The following ZNF430 variants were observed in gnomAD, a reference collection of about 807,000 sequenced individuals.
ZNF430 encodes zinc finger protein 430.
A neutral mutation model predicts 56.7 loss-of-function variants in ZNF430; 35 were observed. The observed-to-expected ratio is 0.62, with a 90% CI of 0.47 to 0.82. The LOEUF is 0.82. Ranked by LOEUF, ZNF430 falls within the 40% of genes least tolerant of loss-of-function variation. The pLI, the probability that ZNF430 is intolerant of heterozygous loss-of-function variation, is 0.00. For synonymous variants in ZNF430, 212 were observed against 224.3 expected (o/e 0.94, Z 0.49); for missense variants, 574 against 661.0 (o/e 0.87, Z 1.44).
At chr19:21,049,096 C>G (rs1183481481) in intron 4 of ZNF430, among the ~76,000 whole-genome samples, 3 of 149,106 alleles carry the variant, frequency 2.0e-5, no homozygotes, top group Non-Finnish European at 3.0e-5. Context: ...ATCACTTGAA[C>G]CCAGATGACA....
chr19:21,025,615 C>A (rs1415277330), intron 2 of ZNF430, among the ~76,000 whole-genome samples: 2 of 151,980 alleles, frequency 1.3e-5, no homozygotes, highest in African/African-American at 4.8e-5. Context: ...GAGACGGAGT[C>A]TCACTCTGTT....
At chr19:21,050,128 C>T (rs1315255205) in intron 4 of ZNF430, among the ~76,000 whole-genome samples, 3 of 152,016 alleles carry the variant, frequency 2.0e-5, no homozygotes, top group Non-Finnish European at 4.4e-5. Flanking sequence ...GTGTGATCCG[C>T]CTGCCTCGGC....
chr19:21,054,624 T>C (rs1968338278), intron 4 of ZNF430, among the ~76,000 whole-genome samples: 1 of 151,586 alleles, frequency 6.6e-6, no homozygotes, highest in African/African-American at 2.4e-5. Flanking sequence ...ATAAATATCT[T>C]TGTGTGTATC....
At chr19:21,026,624 G>A (rs1967801168) in intron 2 of ZNF430, among the ~76,000 whole-genome samples, 1 of 152,010 alleles carries the variant, frequency 6.6e-6, no homozygotes, top group Non-Finnish European at 1.5e-5. Flanking sequence ...TTGGCTTTTG[G>A]CTTGGATGTT....
intron 4 of ZNF430, among the ~76,000 whole-genome samples, chr19:21,054,141 T>G (rs1311150856): frequency 1.3e-5 from 2 of 152,168 alleles, no homozygotes; most frequent in African/African-American, 4.8e-5. Flanking sequence ...CTTTTAACTT[T>G]CAAATTTTAG....
chr19:21,042,978 C>T (rs1968132271), intron 4 of ZNF430, among the ~76,000 whole-genome samples: 2 of 152,006 alleles, frequency 1.3e-5, no homozygotes, highest in Non-Finnish European at 2.9e-5. Context: ...TTGTTTTATT[C>T]TTGTAAATTT....
intron 2 of ZNF430, among the ~76,000 whole-genome samples, chr19:21,028,577 A>G (rs1967845374): frequency 6.6e-6 from 1 of 152,200 alleles, no homozygotes. Flanking sequence ...TCTTTGAGAC[A>G]TTTGAGGATG....
At chr19:21,038,975 A>C (rs112138563) in intron 4 of ZNF430, among the ~76,000 whole-genome samples, 10 of 152,204 alleles carry the variant, frequency 6.6e-5, no homozygotes, top group African/African-American at 2.4e-4. Flanking sequence ...TTCGAGACAG[A>C]GTCTCTCTCT....
intron 4 of ZNF430, among the ~76,000 whole-genome samples, chr19:21,044,575 A>G (rs144215252): frequency 8.3e-4 from 126 of 152,330 alleles, no homozygotes; most frequent in Admixed American, 1.8e-3. Context: ...AGATCTTGGT[A>G]TCAGAATGAT....
intron 2 of ZNF430, among the ~76,000 whole-genome samples, chr19:21,027,556 G>A (rs535580106): frequency 7.3e-4 from 110 of 151,342 alleles, no homozygotes; most frequent in Non-Finnish European, 1.3e-3. Context: ...TTTGTTGATG[G>A]TATTTTCATC....
chr19:21,034,542 T>C (rs7250274), intron 4 of ZNF430: 105,184 of 154,162 alleles, frequency 0.68, 39,324 homozygotes, highest in Middle Eastern at 0.85. Flanking sequence ...TTTCTTTCTT[T>C]TTTTTTTTTT....
intron 4 of ZNF430, among the ~76,000 whole-genome samples, chr19:21,047,951 T>C (rs2144780780): frequency 6.6e-6 from 1 of 152,328 alleles, no homozygotes; most frequent in South Asian, 2.1e-4. Flanking sequence ...AGACTAAGTC[T>C]GCTGATCTGC....
intron 2 of ZNF430, among the ~76,000 whole-genome samples, chr19:21,029,794 G>T (rs1056232680): frequency 2.6e-5 from 4 of 152,040 alleles, no homozygotes; most frequent in African/African-American, 9.7e-5. Context: ...GTGAAACCCC[G>T]TCTCTACTAA....
chr19:21,023,781 T>C (rs1395378193), intron 2 of ZNF430, among the ~76,000 whole-genome samples: 4 of 152,230 alleles, frequency 2.6e-5, no homozygotes, highest in Admixed American at 2.6e-4. Flanking sequence ...TCCTGTTATC[T>C]TGATTTCTGA....
At chr19:21,041,334 A>G (rs1017536187) in intron 4 of ZNF430, among the ~76,000 whole-genome samples, 5 of 152,052 alleles carry the variant, frequency 3.3e-5, no homozygotes, top group South Asian at 4.1e-4. Flanking sequence ...GAATTTTGCC[A>G]TGTTCTCCAG....
At chr19:21,055,680 G>T (rs1484671261) in intron 4 of ZNF430, among the ~76,000 whole-genome samples, 2 of 152,002 alleles carry the variant, frequency 1.3e-5, no homozygotes, top group Non-Finnish European at 2.9e-5. Flanking sequence ...TCTCAAACTT[G>T]TGACCTCAAG....
At chr19:21,054,811 A>G (rs1035655020) in intron 4 of ZNF430, among the ~76,000 whole-genome samples, 17 of 150,816 alleles carry the variant, frequency 1.1e-4, no homozygotes, top group African/African-American at 4.1e-4. Context: ...CGTAGCTGGG[A>G]CTACAGGCGC....
In ZNF430 at chr19:21,057,488, A is replaced by G. The variant is rs771441123; in HGVS notation, c.1180A>G (p.Ile394Val). Residue 394 changes from isoleucine to valine, a missense_variant, in exon 5 of 5, where the codon ATT (isoleucine) becomes GTT (valine). Ile to Val is a conservative substitution (Grantham distance 29). Coordinates refer to ENST00000261560, the MANE Select transcript of ZNF430 (RefSeq NM_025189.4). ...CTCATACCTTACTAAACATAAGATA[A>G]TTCATACTGGAGAGAAATTCTACAA... ...RFSYLTKHKI[I>V]HTGEKFYKCE... is the part of the protein sequence containing the mutation. 6.2e-7 allele frequency: 1 copy of G among 1,613,760 alleles called. No individual in the cohort carries two copies. Among genetic ancestry groups the G allele is most frequent in the Non-Finnish European group, 8.5e-7 (1 of 1,179,946 alleles).
chr19:21,056,959 TTTA>T lies in ZNF430; in HGVS notation c.652_654del (p.Leu218del). On this transcript the variant is annotated inframe_deletion, in exon 5 of 5. Coordinates refer to ENST00000261560, the MANE Select transcript of ZNF430 (RefSeq NM_025189.4). ...AATGTGACAAATCGTTTTGCATGCT[TTTA>T]CACCTAACTCAACATAAAAGAATTC... The T allele has an allele frequency of 6.2e-7, 1 of 1,614,004 alleles. No homozygotes were observed. The highest frequency in any genetic ancestry group is 8.5e-7 in the Non-Finnish European group (1 of 1,179,936).
Sources: gnomAD v4.1 joint callset for allele counts (sites outside exome capture counted in the v4.1 genomes callset) on GRCh38, gnomAD v4.1.1 for gene constraint, MANE v1.5 for transcripts, NCBI Gene and HGNC (gene_info 2026-07-23, HGNC 2026-07-21) for gene names.